CDK5RAP2: variants seen among roughly 807,000 people sequenced by gnomAD.
CDK5RAP2 encodes CDK5 regulatory subunit-associated protein 2.
CDK5RAP2 carries 147 observed loss-of-function variants against 232.9 expected under a neutral mutation model. The ratio of observed to expected loss-of-function variants is 0.63; its 90% confidence interval spans 0.55 to 0.72. The LOEUF (loss-of-function observed/expected upper bound fraction) is 0.72, where lower values mean the gene tolerates loss of function less well. Among genes scored for constraint, CDK5RAP2 ranks in the 30% least tolerant of loss-of-function variants. The pLI is 0.00. For synonymous variants in CDK5RAP2, 833 were observed against 833.7 expected, an observed-to-expected ratio of 1.00 and a Z score of 0.01; for missense variants, 2,195 against 2,231.5, an observed-to-expected ratio of 0.98 and a Z score of 0.33.
intron 12 of CDK5RAP2, among the ~76,000 whole-genome samples, chr9:120,496,360 G>A (rs2039236325): frequency 6.9e-6 from 1 of 145,028 alleles, no homozygotes; most frequent in African/African-American, 2.5e-5. Context: ...CCGGCCAGCC[G>A]CCCCGTCCGG....
intron 1 of CDK5RAP2, among the ~76,000 whole-genome samples, chr9:120,573,101 G>A (rs986819479): frequency 9.9e-5 from 15 of 152,172 alleles, no homozygotes; most frequent in Admixed American, 9.8e-4. Context: ...TTGGCAATTT[G>A]CTCTTTCCAT....
chr9:120,418,186 C>T (rs1305229008), intron 27 of CDK5RAP2, among the ~76,000 whole-genome samples: 1 of 152,214 alleles, frequency 6.6e-6, no homozygotes, highest in Non-Finnish European at 1.5e-5. Context: ...ACTGGGATGA[C>T]TCCAGGGAGC....
intron 12 of CDK5RAP2, among the ~76,000 whole-genome samples, chr9:120,502,664 A>C (rs2039629854): frequency 6.6e-6 from 1 of 152,148 alleles, no homozygotes; most frequent in African/African-American, 2.4e-5. Flanking sequence ...TCATTCCCCA[A>C]GATTTGTAGT....
At chr9:120,558,534 G>A (rs958044936) in intron 3 of CDK5RAP2, among the ~76,000 whole-genome samples, 41 of 151,954 alleles carry the variant, frequency 2.7e-4, no homozygotes, top group Non-Finnish European at 5.3e-4. Flanking sequence ...CCCTGCCACA[G>A]CCACAAAGTG....
chr9:120,480,596 A>C (rs2131581914), intron 14 of CDK5RAP2, among the ~76,000 whole-genome samples: 1 of 152,350 alleles, frequency 6.6e-6, no homozygotes, highest in South Asian at 2.1e-4. Context: ...ATATTTTGAT[A>C]ACCTAATTTC....
At position 120,492,363 on chromosome 9, in the gene CDK5RAP2, G is replaced by A. The variant is rs113433627; in HGVS notation, c.1312-886C>T. On this transcript the variant is annotated intron_variant, in intron 12 of 37. Transcript: ENST00000349780. The stretch of plus-strand genomic sequence containing the variant: ...GTGTGGCAGCAGCAGAGACCCAAGA[G>A]AAATAAGTATGGATAGCATACTGCC... 1.9e-3 allele frequency among the ~76,000 whole-genome samples: 290 copies of A among 152,190 alleles called. 2 individuals are homozygous for A. The highest frequency in any genetic ancestry group is 6.6e-3 in the African/African-American group (276 of 41,516).
intron 4 of CDK5RAP2, among the ~76,000 whole-genome samples, chr9:120,550,535 AC>A (rs1161065630): frequency 6.6e-6 from 1 of 152,204 alleles, no homozygotes; most frequent in Non-Finnish European, 1.5e-5. Flanking sequence ...AATTATAAAA[AC>A]TTAACTGAGG....
intron 23 of CDK5RAP2, chr9:120,440,201 T>G: frequency 1.7e-6 from 1 of 577,964 alleles, no homozygotes; most frequent in Admixed American, 3.0e-5. Flanking sequence ...GTTGTCCTCT[T>G]CCTCAGAGTG....
At chr9:120,410,243 A>G (rs150031621) in intron 29 of CDK5RAP2, among the ~76,000 whole-genome samples, 48 of 152,300 alleles carry the variant, frequency 3.2e-4, no homozygotes, top group African/African-American at 1.1e-3. Flanking sequence ...ATAATTTCTA[A>G]GCAAGCATTC....
At position 120,415,255 on chromosome 9, in the gene CDK5RAP2, T is replaced by A. The variant is rs555807032; in HGVS notation, c.4178-96A>T. The A allele has an allele frequency of 2.6e-4, 365 of 1,419,584 alleles. 1 individual carries two copies. The highest frequency in any genetic ancestry group is 3.3e-4 in the Non-Finnish European group (339 of 1,016,514). The allele number at this position is 1,419,584 out of a possible 1,614,324, so 87.9% of individuals were successfully genotyped here. The stretch of plus-strand genomic sequence containing the variant: ...AGGGATCCTGAAATTCCAAACAGTA[T>A]TGGATGTGTTAAGATGGTTAGCAAC... On this transcript the variant is annotated intron_variant, in intron 27 of 37. Transcript: ENST00000349780.
intron 36 of CDK5RAP2, 97 bp from the exon 37 acceptor site, chr9:120,389,884 G>A: frequency 9.1e-7 from 1 of 1,095,356 alleles, no homozygotes; most frequent in Non-Finnish European, 1.4e-6. Context: ...CACCCCAAAG[G>A]GCTCGGACAT....
chr9:120,436,730 G>C (rs1048483082), intron 25 of CDK5RAP2, among the ~76,000 whole-genome samples: 4 of 151,998 alleles, frequency 2.6e-5, no homozygotes, highest in African/African-American at 9.7e-5. Flanking sequence ...TGATGAAGCT[G>C]GGTGCACAGT....
chr9:120,483,644 A>C (rs1398670885), intron 14 of CDK5RAP2, among the ~76,000 whole-genome samples: 1 of 152,244 alleles, frequency 6.6e-6, no homozygotes, highest in Non-Finnish European at 1.5e-5. Context: ...TCCTCTCAAA[A>C]GGCAGGCATG....
intron 22 of CDK5RAP2, among the ~76,000 whole-genome samples, chr9:120,444,719 AT>A (rs2036087730): frequency 2.0e-5 from 3 of 152,234 alleles, no homozygotes; most frequent in Non-Finnish European, 2.9e-5. Flanking sequence ...GAAGTATCAC[AT>A]ACTAGGCTTT....
chr9:120,437,350 T>G lies in CDK5RAP2; in HGVS notation c.3900A>C (p.Glu1300Asp). The G allele has an allele frequency of 6.2e-7, 1 of 1,614,130 alleles. No homozygotes were observed. The highest frequency in any genetic ancestry group is 1.7e-4 in the Middle Eastern group (1 of 6,060). ...VDYCVAEGFQ[E>D]QLNQCAELLE... Reference sequence around the variant, plus strand: ...GCAGCTCAGCACATTGATTCAGCTGTTCCTGGAAACCCTCGGCCACACAGT... The same window carrying G: ...GCAGCTCAGCACATTGATTCAGCTGGTCCTGGAAACCCTCGGCCACACAGT... Residue 1300 changes from glutamate (E) to aspartate (D), a missense_variant, in exon 25 of 38, where the codon GAA becomes GAC. By Grantham distance (45) the Glu-to-Asp change is conservative. Transcript: ENST00000349780.
intron 5 of CDK5RAP2, among the ~76,000 whole-genome samples, chr9:120,543,874 A>AT (rs1293038027): frequency 1.3e-5 from 2 of 152,018 alleles, no homozygotes; most frequent in African/African-American, 4.8e-5. Flanking sequence ...AATAATATAT[A>AT]TTTACTCCCC....
At position 120,443,508 on chromosome 9, in the gene CDK5RAP2, A is replaced by G. The variant is rs989049744; in HGVS notation, c.3148+112T>C. The G allele has an allele frequency of 3.3e-5, 40 of 1,219,244 alleles. No individual in the cohort carries two copies. In the African/African-American group the frequency reaches 5.8e-4, roughly 18 times the overall value. The allele number at this position is 1,219,244 out of a possible 1,614,324, so 75.5% of individuals were successfully genotyped here. On this transcript the variant is annotated intron_variant, in intron 23 of 37. Transcript: ENST00000349780. ...TTCCCATGTGTTAGACTGGAATGAT[A>G]ATAATGCCCTGAGAGGGCTGCTATG...
chr9:120,457,392 C>T (rs2036842511), intron 20 of CDK5RAP2, among the ~76,000 whole-genome samples: 1 of 152,196 alleles, frequency 6.6e-6, no homozygotes, highest in Non-Finnish European at 1.5e-5. Context: ...TCTTTTAACT[C>T]TGAAGTAAAA....
intron 5 of CDK5RAP2, among the ~76,000 whole-genome samples, chr9:120,540,972 C>T (rs1439006756): frequency 6.6e-6 from 1 of 152,258 alleles, no homozygotes; most frequent in Non-Finnish European, 1.5e-5. Context: ...CCATCACCCC[C>T]CACTCCCGGG....
Sources: allele counts gnomAD v4.1 joint callset (sites outside exome capture counted in the v4.1 genomes callset), GRCh38; gene constraint gnomAD v4.1.1; transcripts MANE v1.5; gene names NCBI Gene and HGNC (gene_info 2026-07-23, HGNC 2026-07-21).